Variants in GRIN3A observed in about 807,000 individuals in gnomAD.
The protein encoded by GRIN3A is glutamate receptor ionotropic, NMDA 3A.
In GRIN3A, 47 loss-of-function variants were observed where a neutral mutation model predicts 92.4. The observed-to-expected ratio is 0.51, with a 90% CI of 0.40 to 0.65. The LOEUF (loss-of-function observed/expected upper bound fraction) is 0.65. GRIN3A is among the 30% of genes least tolerant of loss of function. The pLI is 0.00. For synonymous variants in GRIN3A, 527 were observed against 540.6 expected, an observed-to-expected ratio of 0.97 and a Z score of 0.35; for missense variants, 1,324 against 1,393.1, an observed-to-expected ratio of 0.95 and a Z score of 0.79.
At chr9:101,703,857 T>A (rs1829781954) in intron 1 of GRIN3A, among the ~76,000 whole-genome samples, 1 of 152,202 alleles carries the variant, frequency 6.6e-6, no homozygotes, top group African/African-American at 2.4e-5. Flanking sequence ...TGGCTGCCTC[T>A]GTCTCGAGCA....
chr9:101,575,434 G>C (rs991362431), intron 8 of GRIN3A, among the ~76,000 whole-genome samples: 2 of 152,044 alleles, frequency 1.3e-5, no homozygotes, highest in African/African-American at 4.8e-5. Flanking sequence ...GTGTGTCTTG[G>C]GGTGAGAGGA....
chr9:101,704,621 G>A (rs1164799716), intron 1 of GRIN3A, among the ~76,000 whole-genome samples: 4 of 152,152 alleles, frequency 2.6e-5, no homozygotes, highest in Non-Finnish European at 5.9e-5. Context: ...ACAGCAGTGA[G>A]CTCTGCAGCA....
chr9:101,597,128 A>C (rs901007240), intron 6 of GRIN3A, among the ~76,000 whole-genome samples: 1 of 152,194 alleles, frequency 6.6e-6, no homozygotes, highest in Non-Finnish European at 1.5e-5. Flanking sequence ...GACAGATTCC[A>C]AGTTAAGACT....
At chr9:101,637,018 T>A (rs1434363293) in intron 3 of GRIN3A, among the ~76,000 whole-genome samples, 1 of 152,186 alleles carries the variant, frequency 6.6e-6, no homozygotes, top group Non-Finnish European at 1.5e-5. Context: ...CTTCTAGCAA[T>A]CTTAGTGGTG....
intron 3 of GRIN3A, among the ~76,000 whole-genome samples, chr9:101,664,888 C>T (rs1189020839): frequency 6.6e-6 from 1 of 151,916 alleles, no homozygotes; most frequent in East Asian, 1.9e-4. Flanking sequence ...AAGTTATCTG[C>T]TATCAGGGTT....
At chr9:101,625,149 C>A (rs1564129547) in intron 4 of GRIN3A, among the ~76,000 whole-genome samples, 1 of 151,986 alleles carries the variant, frequency 6.6e-6, no homozygotes, top group Non-Finnish European at 1.5e-5. Flanking sequence ...TACCTCAGTT[C>A]CTTTTTATTG....
chr9:101,590,210 A>C (rs62575852), intron 6 of GRIN3A, among the ~76,000 whole-genome samples: 12,289 of 152,194 alleles, frequency 0.081, 585 homozygotes, highest in Middle Eastern at 0.12. Flanking sequence ...ATTATGAATC[A>C]GCTAATTCCT....
intron 3 of GRIN3A, among the ~76,000 whole-genome samples, chr9:101,628,656 C>T (rs1030070281): frequency 5.9e-5 from 9 of 151,994 alleles, no homozygotes; most frequent in Non-Finnish European, 2.9e-5. Context: ...ATATTGGAAC[C>T]TATTAGAATT....
chr9:101,684,707 A>T (rs952297062), intron 2 of GRIN3A, among the ~76,000 whole-genome samples: 4 of 152,208 alleles, frequency 2.6e-5, no homozygotes, highest in African/African-American at 9.6e-5. Flanking sequence ...AACTTAAGTC[A>T]ACAAATATTC....
At chr9:101,588,059 C>T (rs1827970496) in intron 6 of GRIN3A, among the ~76,000 whole-genome samples, 1 of 152,278 alleles carries the variant, frequency 6.6e-6, no homozygotes, top group East Asian at 1.9e-4. Flanking sequence ...ATGATATCCA[C>T]ATGAAATGTG....
chr9:101,633,686 A>G (rs1828742379), intron 3 of GRIN3A, among the ~76,000 whole-genome samples: 1 of 152,188 alleles, frequency 6.6e-6, no homozygotes, highest in Admixed American at 6.5e-5. Flanking sequence ...CACATCCCTT[A>G]CAAGAATCTA....
chr9:101,661,397 A>G (rs778192308), intron 3 of GRIN3A, among the ~76,000 whole-genome samples: 6 of 151,904 alleles, frequency 3.9e-5, no homozygotes, highest in Non-Finnish European at 2.9e-5. Context: ...TATACGTTGC[A>G]TTATATGCAT....
Position 101,613,647 on chromosome 9 carries a change from A to ATC in GRIN3A, c.2615-121_2615-120insGA, listed in dbSNP as rs1459863342. 504 of 916,410 alleles carry ATC rather than the reference A, an allele frequency of 5.5e-4. 4 individuals are homozygous for ATC. The African/African-American group carries it at 7.6e-3, about 14-fold the overall frequency. 56.8% of individuals were successfully genotyped at this position (916,410 alleles called of 1,614,324 possible). On this transcript the variant is annotated intron_variant, in intron 5 of 8. Coordinates refer to ENST00000361820, the MANE Select transcript of GRIN3A (RefSeq NM_133445.3). The stretch of plus-strand genomic sequence containing the variant: ...AAAAAGGGCGTGATGAGTTTTCATC[A>ATC]ACTTTCTTTCAAAGCACTCAAAGAC...
chr9:101,649,000 A>G (rs1828976064), intron 3 of GRIN3A, among the ~76,000 whole-genome samples: 1 of 152,014 alleles, frequency 6.6e-6, no homozygotes, highest in Admixed American at 6.6e-5. Flanking sequence ...TCCCCATCAG[A>G]GGAAGACATA....
At chr9:101,654,324 A>G (rs7046941) in intron 3 of GRIN3A, among the ~76,000 whole-genome samples, 1,767 of 151,416 alleles carry the variant, frequency 0.012, 18 homozygotes, top group Middle Eastern at 0.031. Context: ...AAATATACAT[A>G]AGTACTATAT....
chr9:101,734,247 G>C (rs1414262109), intron 1 of GRIN3A, among the ~76,000 whole-genome samples: 1 of 152,154 alleles, frequency 6.6e-6, no homozygotes, highest in Non-Finnish European at 1.5e-5. Context: ...TTTAATTTAG[G>C]TGTAAATGGA....
At chr9:101,589,210 C>T (rs991111178) in intron 6 of GRIN3A, among the ~76,000 whole-genome samples, 5 of 152,060 alleles carry the variant, frequency 3.3e-5, no homozygotes, top group East Asian at 1.9e-4. Context: ...TGACCTCAAG[C>T]GATCCACCTG....
chr9:101,581,539 G>A (rs1827887110), intron 6 of GRIN3A, among the ~76,000 whole-genome samples: 1 of 152,220 alleles, frequency 6.6e-6, no homozygotes, highest in Non-Finnish European at 1.5e-5. Context: ...CACCATGGGA[G>A]GACACATCAT....
At chr9:101,672,076 C>T (rs957517476) in intron 2 of GRIN3A, among the ~76,000 whole-genome samples, 1 of 152,092 alleles carries the variant, frequency 6.6e-6, no homozygotes, top group African/African-American at 2.4e-5. Context: ...ATTAATGTGG[C>T]TTGTGGCCTT....
Sources: gnomAD v4.1 joint callset for allele counts (sites outside exome capture counted in the v4.1 genomes callset) on GRCh38, gnomAD v4.1.1 for gene constraint, MANE v1.5 for transcripts, NCBI Gene and HGNC (gene_info 2026-07-23, HGNC 2026-07-21) for gene names.